TEX10: variants seen among roughly 807,000 people sequenced by gnomAD.
TEX10 encodes testis expressed 10.
In TEX10, 24 loss-of-function variants were observed where a neutral mutation model predicts 104.4. The ratio of observed to expected loss-of-function variants is 0.23; its 90% CI spans 0.17 to 0.32. TEX10 has a LOEUF of 0.32. Ranked by LOEUF, TEX10 falls within the 10% of genes least tolerant of loss-of-function variation. The pLI, the probability that TEX10 is intolerant of heterozygous loss-of-function variation, is 1.00. For synonymous variants in TEX10, 396 were observed against 393.4 expected (o/e 1.01, Z -0.08); for missense variants, 921 against 1,083.9 (o/e 0.85, Z 2.11).
At chr9:100,303,492 G>T in intron 14 of TEX10, 140 bp downstream of exon 14, 1 of 861,298 alleles carries the variant, frequency 1.2e-6, no homozygotes, top group Non-Finnish European at 1.9e-6. Flanking sequence ...GAGACCCTGA[G>T]AAACTACCAT....
intron 5 of TEX10, among the ~76,000 whole-genome samples, chr9:100,337,506 C>CT (rs1290763548): frequency 6.6e-6 from 1 of 152,184 alleles, no homozygotes; most frequent in African/African-American, 2.4e-5. Flanking sequence ...AAGAAAAACT[C>CT]TAATAAGAAA....
intron 13 of TEX10, chr9:100,305,884 C>T (rs1222263269): frequency 6.6e-6 from 1 of 152,106 alleles, no homozygotes; most frequent in African/African-American, 2.4e-5. Flanking sequence ...TCTCTATAAA[C>T]CTCCACAGAA....
intron 4 of TEX10, among the ~76,000 whole-genome samples, chr9:100,342,870 G>A (rs563220053): frequency 4.0e-4 from 61 of 152,176 alleles, no homozygotes; most frequent in South Asian, 8.3e-4. Context: ...TATATCGGCC[G>A]GGCGCGTTGG....
intron 1 of TEX10, chr9:100,352,329 C>G (rs1362967592): frequency 7.1e-6 from 11 of 1,548,982 alleles, no homozygotes; most frequent in Non-Finnish European, 9.6e-6. Context: ...GCTTAACTCT[C>G]CCGCCTGGGC....
chr9:100,348,473 T>C (rs1159637048), intron 2 of TEX10, among the ~76,000 whole-genome samples: 1 of 152,258 alleles, frequency 6.6e-6, no homozygotes, highest in Non-Finnish European at 1.5e-5. Flanking sequence ...CAAACTTCAA[T>C]TGACTTCAAG....
intron 10 of TEX10, among the ~76,000 whole-genome samples, chr9:100,320,809 CA>C (rs960783066): frequency 5.9e-5 from 9 of 152,192 alleles, no homozygotes; most frequent in Admixed American, 2.0e-4. Flanking sequence ...TCAAATGTTT[CA>C]AAACTACTCC....
Position 100,304,190 on chromosome 9 carries a change from T to G in TEX10, c.2466-348A>C, listed in dbSNP as rs112500322. 2.2e-3 allele frequency: 610 copies of G among 282,272 alleles called. 1 individual carries two copies. Among genetic ancestry groups the G allele is most frequent in the African/African-American group, 0.012 (568 of 46,230 alleles). The allele number at this position is 282,272 out of a possible 1,614,324, so 17.5% of individuals were successfully genotyped here. A position where few individuals can be genotyped will look rare whatever the true frequency, so the allele number is the denominator to read the frequency against. ...CACACTGCTCAAAGCAACCTACAGA[T>G]TCAACTGTATTCCTATCAAACTACC... On this transcript the variant is annotated intron_variant, in intron 13 of 14. Coordinates refer to ENST00000374902, the MANE Select transcript of TEX10 (RefSeq NM_017746.4).
chr9:100,302,156 A>G lies in TEX10; in HGVS notation c.*35T>C. On this transcript the variant is annotated 3_prime_UTR_variant, in exon 15 of 15. Transcript: ENST00000374902. The stretch of plus-strand genomic sequence containing the variant: ...TTTTCTTCAAATAAGATAGATGTGA[A>G]TAAACAACTTCAAACAGGAGGTACT... 1 of 1,288,830 alleles carries G rather than the reference A, an allele frequency of 7.8e-7. No individual in the cohort carries two copies. The highest frequency in any genetic ancestry group is 1.1e-6 in the Non-Finnish European group (1 of 924,778). The allele number at this position is 1,288,830 out of a possible 1,614,324, so 79.8% of individuals were successfully genotyped here.
In TEX10 at chr9:100,349,156, T is replaced by C. The variant is rs552516861; in HGVS notation, c.180+28A>G. The C allele has an allele frequency of 5.3e-6, 8 of 1,502,576 alleles. No homozygotes were observed. The South Asian group carries it at 9.8e-5, about 18-fold the overall frequency. 93.1% of individuals were successfully genotyped at this position (1,502,576 alleles called of 1,614,324 possible). A position where few individuals can be genotyped will look rare whatever the true frequency, so the allele number is the denominator to read the frequency against. On this transcript the variant is annotated intron_variant, in intron 2 of 14. Transcript: ENST00000374902. ...CTACACGATTCCAAAGAAAATCTTA[T>C]TTTGTCAAAACATGATTTATGATTT...
intron 10 of TEX10, among the ~76,000 whole-genome samples, chr9:100,320,872 T>C (rs1414549285): frequency 6.6e-6 from 1 of 152,204 alleles, no homozygotes; most frequent in East Asian, 1.9e-4. Flanking sequence ...CATTCAACAA[T>C]TTCTAGTTCC....
rs768392596 is a variant in TEX10, at chr9:100,310,389, A to G, written c.2203-10T>C. On this transcript the variant is annotated splice_polypyrimidine_tract_variant and intron_variant, in intron 11 of 14. Coordinates refer to ENST00000374902, the MANE Select transcript of TEX10 (RefSeq NM_017746.4). ...AACTGTGAAAAACTGCCTGTCAGAAAAGGAGAAAACCACTAACCAAATCAG... is the reference window on the plus strand; with the variant it reads ...AACTGTGAAAAACTGCCTGTCAGAAGAGGAGAAAACCACTAACCAAATCAG... The G allele has an allele frequency of 3.1e-6, 5 of 1,612,084 alleles. No homozygotes were observed. The East Asian group carries it at 1.1e-4, about 36-fold the overall frequency.
At chr9:100,345,928 C>A in intron 4 of TEX10, 144 bp downstream of exon 4, 1 of 785,296 alleles carries the variant, frequency 1.3e-6, no homozygotes, top group South Asian at 2.8e-5. Context: ...TAGTTTTGTG[C>A]AAAACAAACA....
At chr9:100,304,313 G>A (rs1292649546) in intron 13 of TEX10, 6 of 207,754 alleles carry the variant, frequency 2.9e-5, no homozygotes, top group Non-Finnish European at 3.0e-5. Flanking sequence ...AAAACAACCT[G>A]ACTTCACAGT....
intron 1 of TEX10, chr9:100,352,335 T>A (rs924475626): frequency 5.2e-6 from 8 of 1,549,388 alleles, no homozygotes; most frequent in Non-Finnish European, 6.1e-6. Context: ...CTCTCCCGCC[T>A]GGGCGACCAG....
chr9:100,310,107 C>A (rs1194372401), intron 12 of TEX10, among the ~76,000 whole-genome samples, 192 bp downstream of exon 12: 1 of 152,154 alleles, frequency 6.6e-6, no homozygotes, highest in Non-Finnish European at 1.5e-5. Context: ...CAAGGTCACT[C>A]AGAAGTAAAT....
rs1258516824 is a variant in TEX10, at chr9:100,302,105, A to ATGAC, written c.*82_*85dup. On this transcript the variant is annotated 3_prime_UTR_variant, in exon 15 of 15. Coordinates refer to ENST00000374902, the MANE Select transcript of TEX10 (RefSeq NM_017746.4). ...AAACTTCTTTAAAAGTTCAGCTTTA[A>ATGAC]TGACAAAGATCTATTACATCAGTCT... is the stretch of plus-strand genomic sequence containing the variant. 22 of 782,164 alleles carry ATGAC rather than the reference A, an allele frequency of 2.8e-5. No individual in the cohort carries two copies. The highest frequency in any genetic ancestry group is 3.2e-5 in the Non-Finnish European group (16 of 505,968). The allele number at this position is 782,164 out of a possible 1,614,324, so 48.5% of individuals were successfully genotyped here.
In TEX10 at chr9:100,340,250, A is replaced by T; in HGVS notation, c.1250+7T>A. The stretch of plus-strand genomic sequence containing the variant: ...CAAGGTTATACAGTGAAAAAGAATC[A>T]TAATACCTTTTATTTGGCTCTTTCC... On this transcript the variant is annotated splice_region_variant and intron_variant, in intron 5 of 14. Coordinates refer to ENST00000374902, the MANE Select transcript of TEX10 (RefSeq NM_017746.4). 1 of 1,517,364 alleles carries T rather than the reference A, an allele frequency of 6.6e-7. No individual in the cohort carries two copies. The highest frequency in any genetic ancestry group is 8.9e-7 in the Non-Finnish European group (1 of 1,126,784). The allele number at this position is 1,517,364 out of a possible 1,614,324, so 94.0% of individuals were successfully genotyped here.
At chr9:100,325,215 A>G (rs1377235137) in intron 9 of TEX10, among the ~76,000 whole-genome samples, 9 of 152,190 alleles carry the variant, frequency 5.9e-5, no homozygotes, top group Non-Finnish European at 1.0e-4. Context: ...AAAGTTTTCA[A>G]CTACAGCCTA....
intron 1 of TEX10, 86 bp downstream of exon 1, chr9:100,352,686 T>C (rs954263707): frequency 7.5e-7 from 1 of 1,333,946 alleles, no homozygotes; most frequent in South Asian, 1.7e-5. Flanking sequence ...CCTGCCCGCT[T>C]GGGCCGCGGA....
Sources: allele counts gnomAD v4.1 joint callset (sites outside exome capture counted in the v4.1 genomes callset), GRCh38; gene constraint gnomAD v4.1.1; transcripts MANE v1.5; gene names NCBI Gene and HGNC (gene_info 2026-07-23, HGNC 2026-07-21).